PBX3: variants seen among roughly 807,000 people sequenced by gnomAD.
The protein encoded by PBX3 is pre-B-cell leukemia transcription factor 3.
A neutral mutation model predicts 48.5 loss-of-function variants in PBX3; 14 were observed. The ratio of observed to expected loss-of-function variants is 0.29; its 90% CI spans 0.19 to 0.45. The LOEUF (loss-of-function observed/expected upper bound fraction) is 0.45, where lower values mean the gene tolerates loss of function less well. PBX3 is among the 20% of genes least tolerant of loss of function. The pLI is 1.00. For synonymous variants in PBX3, 210 were observed against 200.3 expected (o/e 1.05, Z -0.41); for missense variants, 386 against 546.7 (o/e 0.71, Z 2.93).
intron 2 of PBX3, among the ~76,000 whole-genome samples, chr9:125,784,085 C>T (rs539216441): frequency 6.6e-6 from 1 of 152,282 alleles, no homozygotes; most frequent in East Asian, 1.9e-4. Context: ...TTAATGTCTT[C>T]TGTGGATGGG....
chr9:125,763,901 A>G (rs2131982678), intron 2 of PBX3, among the ~76,000 whole-genome samples: 1 of 152,250 alleles, frequency 6.6e-6, no homozygotes, highest in East Asian at 1.9e-4. Context: ...GATTAGATAG[A>G]TTTTTTTGTG....
At chr9:125,829,590 T>G (rs2132185665) in intron 2 of PBX3, among the ~76,000 whole-genome samples, 1 of 152,326 alleles carries the variant, frequency 6.6e-6, no homozygotes, top group Admixed American at 6.5e-5. Flanking sequence ...AGTATGTGCT[T>G]CATTTTTAAT....
intron 2 of PBX3, among the ~76,000 whole-genome samples, chr9:125,777,739 A>G (rs1564648689): frequency 6.6e-6 from 1 of 151,950 alleles, no homozygotes; most frequent in African/African-American, 2.4e-5. Context: ...AGATTTTTTG[A>G]TTACTTTACT....
intron 2 of PBX3, among the ~76,000 whole-genome samples, chr9:125,863,947 T>C (rs1366666208): frequency 6.6e-6 from 1 of 152,190 alleles, no homozygotes; most frequent in African/African-American, 2.4e-5. Context: ...GAGAAGCCCC[T>C]GTCTCCTTAG....
At chr9:125,941,862 G>A (rs908407928) in intron 5 of PBX3, among the ~76,000 whole-genome samples, 2 of 152,062 alleles carry the variant, frequency 1.3e-5, no homozygotes, top group East Asian at 3.8e-4. Flanking sequence ...AAACTTCATC[G>A]TTCTCCTAAT....
At chr9:125,791,049 G>A (rs1235784184) in intron 2 of PBX3, among the ~76,000 whole-genome samples, 1 of 151,976 alleles carries the variant, frequency 6.6e-6, no homozygotes, top group African/African-American at 2.4e-5. Flanking sequence ...CGAGTAGCTG[G>A]GATTACAGGT....
intron 2 of PBX3, among the ~76,000 whole-genome samples, chr9:125,907,763 C>A (rs1334486910): frequency 3.3e-5 from 5 of 152,084 alleles, no homozygotes; most frequent in Admixed American, 2.0e-4. Flanking sequence ...TAACTTATTT[C>A]TCTAGGTATC....
intron 5 of PBX3, among the ~76,000 whole-genome samples, chr9:125,959,780 T>G (rs1020432443): frequency 1.3e-5 from 2 of 152,260 alleles, no homozygotes; most frequent in Non-Finnish European, 2.9e-5. Flanking sequence ...AAACTGTTGC[T>G]TTAATAAAAG....
intron 4 of PBX3, among the ~76,000 whole-genome samples, chr9:125,933,098 C>G (rs759974322): frequency 2.0e-4 from 31 of 152,320 alleles, no homozygotes; most frequent in Admixed American, 1.2e-3. Context: ...CAAGTTCTCT[C>G]CTGTGCCTTC....
intron 5 of PBX3, among the ~76,000 whole-genome samples, chr9:125,951,391 T>C (rs1032803144): frequency 6.6e-6 from 1 of 152,144 alleles, no homozygotes; most frequent in Non-Finnish European, 1.5e-5. Context: ...CACCTCCTTT[T>C]CCCTTCTTGC....
At chr9:125,813,462 C>G (rs1838358257) in intron 2 of PBX3, among the ~76,000 whole-genome samples, 1 of 152,152 alleles carries the variant, frequency 6.6e-6, no homozygotes, top group South Asian at 2.1e-4. Flanking sequence ...ACAGTAAATG[C>G]AAACCCCAAC....
At chr9:125,896,851 C>A (rs530753402) in intron 2 of PBX3, among the ~76,000 whole-genome samples, 1 of 151,990 alleles carries the variant, frequency 6.6e-6, no homozygotes, top group Admixed American at 6.6e-5. Flanking sequence ...TTGTTTTTTA[C>A]ACTCTAACAA....
At chr9:125,781,577 G>T (rs1395781703) in intron 2 of PBX3, among the ~76,000 whole-genome samples, 1 of 144,158 alleles carries the variant, frequency 6.9e-6, no homozygotes, top group African/African-American at 2.5e-5. Flanking sequence ...AGAGGGGAGA[G>T]GGGAGAGGCG....
intron 3 of PBX3, among the ~76,000 whole-genome samples, chr9:125,927,285 G>A (rs1240756344): frequency 6.6e-6 from 1 of 152,154 alleles, no homozygotes; most frequent in African/African-American, 2.4e-5. Context: ...ATAATATAGT[G>A]TCACCACTCA....
At chr9:125,781,787 G>C in intron 2 of PBX3, among the ~76,000 whole-genome samples, 1 of 151,494 alleles carries the variant, frequency 6.6e-6, no homozygotes, top group East Asian at 1.9e-4. Context: ...ATAAAGTTAG[G>C]TTATTGATTT....
At chr9:125,755,191 A>C (rs1836479670) in intron 2 of PBX3, among the ~76,000 whole-genome samples, 1 of 152,140 alleles carries the variant, frequency 6.6e-6, no homozygotes, top group African/African-American at 2.4e-5. Context: ...AAATTCATAA[A>C]TTTTAAAATC....
chr9:125,879,390 C>G (rs1840331370), intron 2 of PBX3, among the ~76,000 whole-genome samples: 1 of 152,038 alleles, frequency 6.6e-6, no homozygotes. Flanking sequence ...CAAAGACATG[C>G]TATTCTTTAT....
intron 5 of PBX3, among the ~76,000 whole-genome samples, chr9:125,953,833 G>A (rs545547093): frequency 6.6e-6 from 1 of 152,040 alleles, no homozygotes; most frequent in East Asian, 1.9e-4. Context: ...AAGTTAAAAT[G>A]TAACCAGAGT....
intron 2 of PBX3, among the ~76,000 whole-genome samples, chr9:125,820,824 T>C (rs1023378096): frequency 6.6e-6 from 1 of 152,256 alleles, no homozygotes; most frequent in African/African-American, 2.4e-5. Context: ...TTTCTATTTG[T>C]ATTTGTAGTG....
Sources: gnomAD v4.1 joint callset for allele counts (sites outside exome capture counted in the v4.1 genomes callset) on GRCh38, gnomAD v4.1.1 for gene constraint, MANE v1.5 for transcripts, NCBI Gene and HGNC (gene_info 2026-07-23, HGNC 2026-07-21) for gene names.